The following CELSR3 variants were observed in gnomAD, a reference collection of about 807,000 sequenced individuals.
CELSR3 encodes the protein EGF-like protein 1.
CELSR3 carries 73 observed loss-of-function variants against 270.0 expected under a neutral mutation model. That is an observed-to-expected ratio of 0.27 (90% CI 0.22 to 0.33). The LOEUF is 0.33. CELSR3 is among the 10% of genes least tolerant of loss of function. CELSR3 has a pLI of 1.00. For missense variants in CELSR3, 3,614 were observed against 4,533.8 expected, an observed-to-expected ratio of 0.80 and a Z score of 5.83; for synonymous variants, 1,780 against 1,905.4, an observed-to-expected ratio of 0.93 and a Z score of 1.71.
At position 48,654,457 on chromosome 3, in the gene CELSR3, G is replaced by A; in HGVS notation, c.4989-5C>T. On this transcript the variant is annotated splice_region_variant and splice_polypyrimidine_tract_variant and intron_variant, in intron 6 of 34. Transcript: ENST00000164024. This position sits in a 1 kb window ranked among gnomAD's most constrained non-coding sequence, Gnocchi z 5.4. Reference sequence around the variant, plus strand: ...GGGCCCGTCAGGTCCAGGGACCTGGGGATCAGGGGTCTGGGTCATTGGTGG... The same window carrying A: ...GGGCCCGTCAGGTCCAGGGACCTGGAGATCAGGGGTCTGGGTCATTGGTGG... 6.4e-7 allele frequency: 1 copy of A among 1,572,830 alleles called. No individual in the cohort carries two copies. The highest frequency in any genetic ancestry group is 1.4e-5 in the African/African-American group (1 of 73,634).
At position 48,639,805 on chromosome 3, in the gene CELSR3, A is replaced by G; in HGVS notation, c.9780T>C (p.Ser3260=). 3.7e-6 allele frequency: 6 copies of G among 1,613,892 alleles called. No individual in the cohort carries two copies. The highest frequency in any genetic ancestry group is 1.1e-5 in the South Asian group (1 of 91,076). ...CCAAGGGTGTGCTTGAAGATTGCACAGAGGAGAGGGCCGAGGAGTTGAAAG... is the reference window on the plus strand; with the variant it reads ...CCAAGGGTGTGCTTGAAGATTGCACGGAGGAGAGGGCCGAGGAGTTGAAAG... The part of the protein sequence containing the change: ...LASFNSSALS[S]VQSSSTPLGP... Residue 3260 remains serine (S), a synonymous_variant, in exon 34 of 35, where the codon TCT becomes TCC. Coordinates refer to ENST00000164024, the MANE Select transcript of CELSR3 (RefSeq NM_001407.3). The surrounding 1 kb of genome is among the most constrained non-coding windows in gnomAD (Gnocchi z 4.1).
chr3:48,652,920 G>T lies in CELSR3; in HGVS notation c.5634+82C>A. Reference sequence around the variant, plus strand: ...TCAGTGCAGTGGAGGGAACTGAGAGGAGCTGGACTAGAGGTGGGGTCAAAT... The same window carrying T: ...TCAGTGCAGTGGAGGGAACTGAGAGTAGCTGGACTAGAGGTGGGGTCAAAT... On this transcript the variant is annotated intron_variant, in intron 10 of 34. Transcript: ENST00000164024. This position sits in a 1 kb window ranked among gnomAD's most constrained non-coding sequence, Gnocchi z 4.3. 8.7e-7 allele frequency: 1 copy of T among 1,145,066 alleles called. No homozygotes were observed. Among genetic ancestry groups the T allele is most frequent in the Non-Finnish European group, 1.3e-6 (1 of 772,932 alleles). 70.9% of individuals were successfully genotyped at this position (1,145,066 alleles called of 1,614,324 possible).
rs773449883 is a variant in CELSR3 at position 48,640,353 on chromosome 3, G to T, written c.9232C>A (p.Arg3078=). The T allele has an allele frequency of 1.2e-6, 2 of 1,612,620 alleles. No homozygotes were observed. Among genetic ancestry groups the T allele is most frequent in the South Asian group, 1.1e-5 (1 of 91,058 alleles). The part of the protein sequence containing the change: ...SREQLDLLLR[R]QLSRERLEEA... The stretch of plus-strand genomic sequence containing the variant: ...TCTAGTCGCTCACGGCTCAGTTGCC[G>T]CCGGAGGAGCAGGTCCAGCTGTTCT... The change falls in exon 34 of 35, where the codon CGG becomes AGG. Residue 3078 remains arginine (R), a synonymous_variant. Coordinates refer to ENST00000164024, the MANE Select transcript of CELSR3 (RefSeq NM_001407.3). The surrounding 1 kb of genome is among the most constrained non-coding windows in gnomAD (Gnocchi z 7.5).
chr3:48,656,469 A>G (rs1158382948), intron 2 of CELSR3, 104 bp from the exon 3 acceptor site: 4 of 1,187,454 alleles, frequency 3.4e-6, no homozygotes, highest in Non-Finnish European at 4.4e-6. Flanking sequence ...GACCCCCGAA[A>G]GGTCGCCCTC....
chr3:48,650,435 G>GGGGGGGC lies in CELSR3; in HGVS notation c.6472+44_6472+45insGCCCCCC. ...CATGGCTCTAGCAGTCAGAGTACAG[G>GGGGGGGC]CCCACCCCCACCCTCAGTGATGTCC... On this transcript the variant is annotated intron_variant, in intron 16 of 34. Transcript: ENST00000164024. The surrounding 1 kb of genome is among the most constrained non-coding windows in gnomAD (Gnocchi z 5.1). The GGGGGGGC allele has an allele frequency of 1.6e-6, 2 of 1,213,560 alleles. No homozygotes were observed. Among genetic ancestry groups the GGGGGGGC allele is most frequent in the Non-Finnish European group, 1.2e-6 (1 of 846,620 alleles). 75.2% of individuals were successfully genotyped at this position (1,213,560 alleles called of 1,614,324 possible).
At chr3:48,643,280 G>A in intron 28 of CELSR3, 197 bp from the exon 29 acceptor site, 1 of 624,262 alleles carries the variant, frequency 1.6e-6, no homozygotes, top group Non-Finnish European at 2.8e-6. Context: ...GAGTCTGTAA[G>A]GTCGGTGTGG....
rs1448610630 is a variant in CELSR3, at chr3:48,637,399, A to G, written c.*806T>C. The G allele has an allele frequency of 1.3e-5, 2 of 152,624 alleles. No individual in the cohort carries two copies. Among genetic ancestry groups the G allele is most frequent in the Non-Finnish European group, 2.9e-5 (2 of 68,042 alleles). 9.5% of individuals were successfully genotyped at this position (152,624 alleles called of 1,614,324 possible). A position where few individuals can be genotyped will look rare whatever the true frequency, so the allele number is the denominator to read the frequency against. On this transcript the variant is annotated 3_prime_UTR_variant, in exon 35 of 35. Transcript: ENST00000164024. ...CAGGGAATCAAATGGCACCACAGAC[A>G]ACTTTTGCTTGCTGCAGGGGCAGGT... is the stretch of plus-strand genomic sequence containing the variant.
chr3:48,637,618 G>A lies in CELSR3; in HGVS notation c.*587C>T, dbSNP rs2046983984. ...AATAAACACACACATCCACCAGGAG[G>A]GGCGGTATGAGCAAGCCCCCATGAG... On this transcript the variant is annotated 3_prime_UTR_variant, in exon 35 of 35. Transcript: ENST00000164024. The A allele has an allele frequency of 6.5e-6, 1 of 154,564 alleles. No individual in the cohort carries two copies. Among genetic ancestry groups the A allele is most frequent in the African/African-American group, 2.4e-5 (1 of 41,456 alleles). The allele number at this position is 154,564 out of a possible 1,614,324, so 9.6% of individuals were successfully genotyped here.
rs1456027099 is a variant in CELSR3, at chr3:48,662,735, G to A, written c.-101C>T. On this transcript the variant is annotated 5_prime_UTR_variant, in exon 1 of 35. Coordinates refer to ENST00000164024, the MANE Select transcript of CELSR3 (RefSeq NM_001407.3). The surrounding 1 kb of genome is among the most constrained non-coding windows in gnomAD (Gnocchi z 7.1). ...CCTCCCGGGCCCCTGCCGCCGCCCCGGGCCCCCGCCCCTCCGCCTGTCTCT... is the reference window on the plus strand; with the variant it reads ...CCTCCCGGGCCCCTGCCGCCGCCCCAGGCCCCCGCCCCTCCGCCTGTCTCT... 1 of 293,352 alleles carries A rather than the reference G, an allele frequency of 3.4e-6. No individual in the cohort carries two copies. The allele number at this position is 293,352 out of a possible 1,614,324, so 18.2% of individuals were successfully genotyped here.
In CELSR3 at chr3:48,660,490, G is replaced by T; in HGVS notation, c.2145C>A (p.Asp715Glu). ...TGWVSVSGPL[D>E]RESVEHYFFG... ...AGAAGTAATGCTCCACAGACTCACGGTCCAGGGGACCACTCACAGAGACCC... is the reference window on the plus strand; with the variant it reads ...AGAAGTAATGCTCCACAGACTCACGTTCCAGGGGACCACTCACAGAGACCC... The change falls in exon 1 of 35, where the codon GAC (aspartate) becomes GAA (glutamate). Residue 715 changes from aspartate to glutamate, a missense_variant. By Grantham distance (45) the Asp-to-Glu change is conservative. This residue lies in a region of CELSR3 where 215 missense variants were observed against 241.2 expected (regional missense o/e 0.89). Coordinates refer to ENST00000164024, the MANE Select transcript of CELSR3 (RefSeq NM_001407.3). The surrounding 1 kb of genome is among the most constrained non-coding windows in gnomAD (Gnocchi z 5.5). The T allele has an allele frequency of 6.2e-7, 1 of 1,614,154 alleles. No homozygotes were observed. Among genetic ancestry groups the T allele is most frequent in the Non-Finnish European group, 8.5e-7 (1 of 1,180,038 alleles).
In CELSR3 at chr3:48,657,126, G is replaced by T. The variant is rs949566915; in HGVS notation, c.3971C>A (p.Thr1324Asn). The T allele has an allele frequency of 1.2e-6, 2 of 1,613,990 alleles. No individual in the cohort carries two copies. The highest frequency in any genetic ancestry group is 3.3e-5 in the Admixed American group (2 of 60,026). The change falls in exon 2 of 35, where the codon ACC becomes AAC. Residue 1324 changes from threonine to asparagine, a missense_variant. By Grantham distance (65) the Thr-to-Asn change is moderately conservative. This residue lies in a region of CELSR3 where 1,331 missense variants were observed against 1,933.7 expected (regional missense o/e 0.69). Transcript: ENST00000164024. The surrounding 1 kb of genome is among the most constrained non-coding windows in gnomAD (Gnocchi z 5.4). The stretch of plus-strand genomic sequence containing the variant: ...CGCCGAGAAACTCACATTGAGCACG[G>T]TGCCCCCTACGTCTGTGTCGTTCTG... ...NIQNDTDVGG[T>N]VLNVSFSALA...
At position 48,645,406 on chromosome 3, in the gene CELSR3, T is replaced by A. The variant is rs2106703248; in HGVS notation, c.7797+37A>T. The A allele has an allele frequency of 6.2e-7, 1 of 1,609,484 alleles. No individual in the cohort carries two copies. The highest frequency in any genetic ancestry group is 1.3e-5 in the African/African-American group (1 of 74,948). ...CCCCAGGCCTCCTGGGCCAGTAGGG[T>A]CATCAGGACACAAGTTCCCTGGCCC... On this transcript the variant is annotated intron_variant, in intron 24 of 34. Transcript: ENST00000164024. This position sits in a 1 kb window ranked among gnomAD's most constrained non-coding sequence, Gnocchi z 5.4.
At position 48,655,971 on chromosome 3, in the gene CELSR3, G is replaced by T; in HGVS notation, c.4626-120C>A. 8.9e-7 allele frequency: 1 copy of T among 1,121,372 alleles called. No homozygotes were observed. Among genetic ancestry groups the T allele is most frequent in the Non-Finnish European group, 1.3e-6 (1 of 772,646 alleles). The allele number at this position is 1,121,372 out of a possible 1,614,324, so 69.5% of individuals were successfully genotyped here. A position where few individuals can be genotyped will look rare whatever the true frequency, so the allele number is the denominator to read the frequency against. ...GAGAGAGGAAGCGACGAGGGACGGC[G>T]GGACCGACCGGGGGGACGCGGGTGC... On this transcript the variant is annotated intron_variant, in intron 3 of 34. Coordinates refer to ENST00000164024, the MANE Select transcript of CELSR3 (RefSeq NM_001407.3). The surrounding 1 kb of genome is among the most constrained non-coding windows in gnomAD (Gnocchi z 5.8).
rs1396769242 is a variant in CELSR3, at chr3:48,653,359, T to C, written c.5449-172A>G. Among the ~76,000 whole-genome samples, 1 of 152,028 alleles carries C rather than the reference T, an allele frequency of 6.6e-6. No homozygotes were observed. Among genetic ancestry groups the C allele is most frequent in the East Asian group, 1.9e-4 (1 of 5,186 alleles). The stretch of plus-strand genomic sequence containing the variant: ...GGGACATCATGTTGCTGATATGGGG[T>C]CAGGGGGCAGAGGATAGGACCAGGT... On this transcript the variant is annotated intron_variant, in intron 9 of 34. Transcript: ENST00000164024. The surrounding 1 kb of genome is among the most constrained non-coding windows in gnomAD (Gnocchi z 6.5).
In CELSR3 at chr3:48,656,813, C is replaced by T. The variant is rs764850227; in HGVS notation, c.4284G>A (p.Thr1428=). Residue 1428 remains threonine, a synonymous_variant, in exon 2 of 35, where the codon ACG becomes ACA. Coordinates refer to ENST00000164024, the MANE Select transcript of CELSR3 (RefSeq NM_001407.3). The part of the protein sequence containing the change: ...GLRCRCPPGF[T]GDFCETELDL... ...CGAGCTCGGTCTCGCAAAAGTCTCCCGTGAATCCGGGCGGGCAGCGGCAGC... is the reference window on the plus strand; with the variant it reads ...CGAGCTCGGTCTCGCAAAAGTCTCCTGTGAATCCGGGCGGGCAGCGGCAGC... 8 of 1,606,536 alleles carry T rather than the reference C, an allele frequency of 5.0e-6. No individual in the cohort carries two copies. Among genetic ancestry groups the T allele is most frequent in the African/African-American group, 1.3e-5 (1 of 74,962 alleles).
Position 48,662,083 on chromosome 3 carries a change from CG to C in CELSR3, c.551del (p.Pro184ArgfsTer124), listed in dbSNP as rs751796122. 3 of 1,614,038 alleles carry C rather than the reference CG, an allele frequency of 1.9e-6. No individual in the cohort carries two copies. In the South Asian group the frequency reaches 3.3e-5, roughly 18 times the overall value. Reference sequence around the variant, plus strand: ...TCCCAGCGTTCCGCTGGGAGGACACCGGCTTGGGACCGTGGTGCCGAATCAA... The same window carrying C: ...TCCCAGCGTTCCGCTGGGAGGACACCGCTTGGGACCGTGGTGCCGAATCAA... ...DFLIRHHGPK[P>X]VSSQRNAGTG... On this transcript the variant is annotated frameshift_variant, in exon 1 of 35. Coordinates refer to ENST00000164024, the MANE Select transcript of CELSR3 (RefSeq NM_001407.3). LOFTEE classifies it high-confidence loss of function. The surrounding 1 kb of genome is among the most constrained non-coding windows in gnomAD (Gnocchi z 7.1).
chr3:48,644,963 A>C lies in CELSR3; in HGVS notation c.7972+72T>G. 1 of 1,545,342 alleles carries C rather than the reference A, an allele frequency of 6.5e-7. No individual in the cohort carries two copies. The highest frequency in any genetic ancestry group is 8.8e-7 in the Non-Finnish European group (1 of 1,135,072). On this transcript the variant is annotated intron_variant, in intron 25 of 34. Transcript: ENST00000164024. This position sits in a 1 kb window ranked among gnomAD's most constrained non-coding sequence, Gnocchi z 4.8. ...GGCTTGGGGTTTGAGGTTGGGGGTC[A>C]TGAGCAGGAGTGGGGACAGGGTCAG... is the stretch of plus-strand genomic sequence containing the variant.
At position 48,658,820 on chromosome 3, in the gene CELSR3, C is replaced by G; in HGVS notation, c.3748+67G>C. On this transcript the variant is annotated intron_variant, in intron 1 of 34. Coordinates refer to ENST00000164024, the MANE Select transcript of CELSR3 (RefSeq NM_001407.3). This position sits in a 1 kb window ranked among gnomAD's most constrained non-coding sequence, Gnocchi z 4.7. ...GAAATCCCTCTTTGGTTTGAGGTGC[C>G]CTGTGGAGTCCCTGAGGCCCAACAG... is the stretch of plus-strand genomic sequence containing the variant. 6.4e-7 allele frequency: 1 copy of G among 1,566,460 alleles called. No individual in the cohort carries two copies. The highest frequency in any genetic ancestry group is 1.7e-5 in the Admixed American group (1 of 57,392).
Position 48,641,830 on chromosome 3 carries a change from G to C in CELSR3, c.8824+21C>G, listed in dbSNP as rs946822971. The stretch of plus-strand genomic sequence containing the variant: ...ATGGGGCATCCCTTGGTCACCCAAG[G>C]GGTCAGAGGGCGCCTGGCACCTTTG... On this transcript the variant is annotated intron_variant, in intron 32 of 34. Coordinates refer to ENST00000164024, the MANE Select transcript of CELSR3 (RefSeq NM_001407.3). The surrounding 1 kb of genome is among the most constrained non-coding windows in gnomAD (Gnocchi z 4.8). 2 of 1,443,978 alleles carry C rather than the reference G, an allele frequency of 1.4e-6. No individual in the cohort carries two copies. The highest frequency in any genetic ancestry group is 2.9e-5 in the African/African-American group (2 of 69,852). The allele number at this position is 1,443,978 out of a possible 1,614,324, so 89.4% of individuals were successfully genotyped here.
Sources: allele counts gnomAD v4.1 joint callset (sites outside exome capture counted in the v4.1 genomes callset), GRCh38; gene constraint gnomAD v4.1.1; regional missense constraint gnomAD v4.1.1; non-coding constraint Gnocchi (gnomAD v3.1); transcripts MANE v1.5; gene names NCBI Gene and HGNC (gene_info 2026-07-23, HGNC 2026-07-21).